Variants in SCNN1B observed in about 807,000 individuals in gnomAD.
SCNN1B encodes sodium channel epithelial 1 subunit beta, also known as epithelial sodium channel subunit beta.
SCNN1B carries 46 observed loss-of-function variants against 65.3 expected under a neutral mutation model. The ratio of observed to expected loss-of-function variants is 0.70; its 90% CI spans 0.56 to 0.90. The LOEUF (loss-of-function observed/expected upper bound fraction) is 0.90. Ranked by LOEUF, SCNN1B falls within the 40% of genes least tolerant of loss-of-function variation. The pLI is 0.00. For missense variants in SCNN1B, 751 were observed against 830.5 expected (o/e 0.90, Z 1.18); for synonymous variants, 349 against 330.6 (o/e 1.06, Z -0.60).
rs754881276 is a variant in SCNN1B at position 23,352,819 on chromosome 16, T to G, written c.330T>G (p.His110Gln). 6.2e-7 allele frequency: 1 copy of G among 1,614,076 alleles called. No homozygotes were observed. The highest frequency in any genetic ancestry group is 1.1e-5 in the South Asian group (1 of 91,072). ...CATCCAGGTATTCCAAAATCAAGCA[T>G]TTGCTGAAGGACCTGGATGAGCTGA... ...ASPFKYSKIK[H>Q]LLKDLDELME... Residue 110 changes from histidine to glutamine, a missense_variant, in exon 3 of 13, where the codon CAT becomes CAG. Physicochemically the swap from His to Gln is conservative, Grantham distance 24 (BLOSUM62 0). Transcript: ENST00000343070.
intron 1 of SCNN1B, among the ~76,000 whole-genome samples, chr16:23,317,449 C>T (rs1337308116): frequency 6.6e-6 from 1 of 152,028 alleles, no homozygotes; most frequent in African/African-American, 2.4e-5. Flanking sequence ...ACTGGAGAGA[C>T]CACTCAAGGG....
intron 1 of SCNN1B, among the ~76,000 whole-genome samples, chr16:23,313,516 A>G (rs1355503637): frequency 6.6e-6 from 1 of 152,186 alleles, no homozygotes; most frequent in Non-Finnish European, 1.5e-5. Context: ...TTTCTTTTTC[A>G]ACACATGCTA....
intron 1 of SCNN1B, among the ~76,000 whole-genome samples, chr16:23,280,293 C>T (rs776403303): frequency 9.2e-5 from 14 of 151,862 alleles, no homozygotes; most frequent in Non-Finnish European, 1.2e-4. Context: ...GGAACGATCA[C>T]AGTTCACTGC....
intron 1 of SCNN1B, among the ~76,000 whole-genome samples, chr16:23,320,131 G>T (rs1961557366): frequency 6.6e-6 from 1 of 152,186 alleles, no homozygotes; most frequent in African/African-American, 2.4e-5. Flanking sequence ...GTGGGACCCA[G>T]CTTTTGCGTC....
At chr16:23,351,385 A>G (rs935309967) in intron 2 of SCNN1B, among the ~76,000 whole-genome samples, 2 of 152,164 alleles carry the variant, frequency 1.3e-5, no homozygotes, top group Non-Finnish European at 2.9e-5. Context: ...GCATGCCAGG[A>G]TTCAAACCTG....
intron 4 of SCNN1B, among the ~76,000 whole-genome samples, chr16:23,366,888 T>C (rs1962680573): frequency 6.6e-6 from 1 of 152,252 alleles, no homozygotes; most frequent in Non-Finnish European, 1.5e-5. Context: ...TTTTTAAAGC[T>C]GCTTACTTTG....
intron 1 of SCNN1B, among the ~76,000 whole-genome samples, chr16:23,333,004 G>A (rs1379315713): frequency 6.6e-6 from 1 of 151,982 alleles, no homozygotes. Flanking sequence ...CTGGGGGGCA[G>A]AGGTTGCAGT....
At chr16:23,297,312 C>T (rs1035771351), upstream of SCNN1B, among the ~76,000 whole-genome samples, 2 of 152,206 alleles carry the variant, frequency 1.3e-5, no homozygotes, top group African/African-American at 4.8e-5. Flanking sequence ...TGTCAAGATT[C>T]TGCAAATGGA....
intron 1 of SCNN1B, among the ~76,000 whole-genome samples, chr16:23,343,585 AAGAAAGAAAGAAAGAAAG>A (rs1962110172): frequency 6.8e-5 from 2 of 29,502 alleles, no homozygotes; most frequent in African/African-American, 2.2e-4. Context: ...GAAAAAGAGA[AAGAAAGAAAGAAAGAAAG>A]AAAGAAAGAA....
intron 1 of SCNN1B, among the ~76,000 whole-genome samples, chr16:23,321,150 T>C (rs1474192903): frequency 6.6e-6 from 1 of 152,206 alleles, no homozygotes; most frequent in African/African-American, 2.4e-5. Context: ...CAAGTGATTA[T>C]TCTGCCTCAG....
chr16:23,285,205 C>T (rs565940884), intron 2 of SCNN1B, among the ~76,000 whole-genome samples: 1 of 152,222 alleles, frequency 6.6e-6, no homozygotes, highest in Non-Finnish European at 1.5e-5. Flanking sequence ...AAGACTCTCA[C>T]TCTGTCACCC....
chr16:23,378,932 C>T (rs1179695566), intron 11 of SCNN1B, among the ~76,000 whole-genome samples, 165 bp downstream of exon 11: 2 of 152,100 alleles, frequency 1.3e-5, no homozygotes, highest in Non-Finnish European at 2.9e-5. Context: ...GGAAAGGCAG[C>T]CAAGGGGACT....
intron 1 of SCNN1B, among the ~76,000 whole-genome samples, chr16:23,316,176 TCAC>T (rs570042504): frequency 1.2e-4 from 15 of 125,786 alleles, no homozygotes; most frequent in African/African-American, 4.9e-4. Context: ...ATCATCATCA[TCAC>T]CACCATCATC....
chr16:23,279,549 T>C (rs942567533), intron 1 of SCNN1B, among the ~76,000 whole-genome samples: 1 of 152,194 alleles, frequency 6.6e-6, no homozygotes, highest in Non-Finnish European at 1.5e-5. Flanking sequence ...TAGATGTGCT[T>C]GGATTTCAGG....
chr16:23,295,828 C>T (rs1337563043), intron 2 of SCNN1B, among the ~76,000 whole-genome samples: 3 of 152,182 alleles, frequency 2.0e-5, no homozygotes, highest in Non-Finnish European at 4.4e-5. Flanking sequence ...TTTCCAGATG[C>T]AGCTGAAAAC....
chr16:23,371,342 C>T lies in SCNN1B; in HGVS notation c.924C>T (p.Pro308=), dbSNP rs547969399. The change falls in exon 6 of 13, where the codon CCC becomes CCT. Residue 308 remains proline, a synonymous_variant. Coordinates refer to ENST00000343070, the MANE Select transcript of SCNN1B (RefSeq NM_000336.3). Reference sequence around the variant, plus strand: ...ACATAGGCCAGGAAGACTACGTCCCCTTCCTTGCGTCCACGGCCGGGGTCA... The same window carrying T: ...ACATAGGCCAGGAAGACTACGTCCCTTTCCTTGCGTCCACGGCCGGGGTCA... The part of the protein sequence containing the change: ...ILDIGQEDYV[P]FLASTAGVRL... 47 of 1,614,176 alleles carry T rather than the reference C, an allele frequency of 2.9e-5. No homozygotes were observed. In the South Asian group the frequency reaches 4.5e-4, roughly 15 times the overall value.
At chr16:23,290,293 T>C (rs1960905276) in intron 2 of SCNN1B, among the ~76,000 whole-genome samples, 1 of 152,148 alleles carries the variant, frequency 6.6e-6, no homozygotes, top group African/African-American at 2.4e-5. Context: ...TAGCAACACT[T>C]ATGTGATCAA....
rs1962689871 is a variant in SCNN1B, at chr16:23,367,332, C to G, written c.777-524C>G. ...GTTGTTTTAGAGACAGGGTCTCACT[C>G]TGTCACCCAGGCTGGAGTGCAGTGG... On this transcript the variant is annotated intron_variant, in intron 4 of 12. Transcript: ENST00000343070. 2.0e-5 allele frequency among the ~76,000 whole-genome samples: 3 copies of G among 152,284 alleles called. No individual in the cohort carries two copies. In the South Asian group the frequency reaches 6.2e-4, roughly 32 times the overall value.
intron 4 of SCNN1B, chr16:23,358,111 C>T (rs756460124): frequency 2.6e-5 from 4 of 152,276 alleles, no homozygotes; most frequent in African/African-American, 7.2e-5. Context: ...AAAGCTGTGC[C>T]GGCCACCTCA....
Sources: gnomAD v4.1 joint callset for allele counts (sites outside exome capture counted in the v4.1 genomes callset) on GRCh38, gnomAD v4.1.1 for gene constraint, MANE v1.5 for transcripts, NCBI Gene and HGNC (gene_info 2026-07-23, HGNC 2026-07-21) for gene names.